Variants in CNTN1 observed in about 807,000 individuals in gnomAD.
CNTN1 encodes contactin-1.
In CNTN1, 38 loss-of-function variants were observed where a neutral mutation model predicts 126.4. That is an observed-to-expected ratio of 0.30 (90% confidence interval 0.23 to 0.39). The LOEUF (loss-of-function observed/expected upper bound fraction) is 0.39. CNTN1 is among the 10% of genes least tolerant of loss of function. The probability of loss-of-function intolerance (pLI) is 1.00; values close to 1 mark genes in which losing one functional copy is unlikely to be tolerated. For synonymous variants in CNTN1, 413 were observed against 422.6 expected (o/e 0.98, Z 0.28); for missense variants, 1,009 against 1,248.4 (o/e 0.81, Z 2.89).
In CNTN1 at chr12:40,971,519, G is replaced by A. The variant is rs769525007; in HGVS notation, c.1805-9390G>A. On this transcript the variant is annotated intron_variant, in intron 15 of 23. Transcript: ENST00000551295. The stretch of plus-strand genomic sequence containing the variant: ...GCCTGCCTCCAACCTGGTGATCGTT[G>A]ACACTCACCATTTCTGTGAAAGACT... 17 of 1,594,752 alleles carry A rather than the reference G, an allele frequency of 1.1e-5. 1 individual carries two copies. The highest frequency in any genetic ancestry group is 8.9e-5 in the South Asian group (8 of 90,310).
At chr12:40,903,588 C>G (rs1255628786) in intron 1 of CNTN1, among the ~76,000 whole-genome samples, 1 of 152,056 alleles carries the variant, frequency 6.6e-6, no homozygotes, top group Non-Finnish European at 1.5e-5. Flanking sequence ...CAGAGAGTCA[C>G]AAATGATGGG....
intron 23 of CNTN1, among the ~76,000 whole-genome samples, chr12:41,040,378 A>G (rs945342836): frequency 1.3e-5 from 2 of 152,156 alleles, no homozygotes; most frequent in Non-Finnish European, 2.9e-5. Flanking sequence ...GATTTTTTGC[A>G]TGATGTTCAA....
At chr12:40,719,271 C>G (rs1331826154) in intron 1 of CNTN1, among the ~76,000 whole-genome samples, 1 of 152,032 alleles carries the variant, frequency 6.6e-6, no homozygotes, top group Admixed American at 6.6e-5. Flanking sequence ...TATATGAACA[C>G]AATGGGAAGA....
chr12:40,965,635 T>C (rs1305725401), intron 15 of CNTN1, among the ~76,000 whole-genome samples: 1 of 152,118 alleles, frequency 6.6e-6, no homozygotes, highest in Non-Finnish European at 1.5e-5. Flanking sequence ...TTGGATTATT[T>C]AGGGTTCTAT....
At chr12:40,967,026 G>A (rs1947331247) in intron 15 of CNTN1, among the ~76,000 whole-genome samples, 1 of 152,006 alleles carries the variant, frequency 6.6e-6, no homozygotes, top group South Asian at 2.1e-4. Context: ...CATTTAGTGT[G>A]TACCCATGGC....
rs1047175685 is a variant in CNTN1, at chr12:41,063,896, G to A, written c.2981-6063G>A. Among the ~76,000 whole-genome samples, 3 of 152,322 alleles carry A rather than the reference G, an allele frequency of 2.0e-5. No homozygotes were observed. In the East Asian group the frequency reaches 5.8e-4, roughly 29 times the overall value. On this transcript the variant is annotated intron_variant, in intron 23 of 23. Coordinates refer to ENST00000551295, the MANE Select transcript of CNTN1 (RefSeq NM_001843.4). ...TCAGTCTGAGAATGTGAGGCAACAGGCCGGGCGCGGTAGCTCACGCCTGTA... is the reference window on the plus strand; with the variant it reads ...TCAGTCTGAGAATGTGAGGCAACAGACCGGGCGCGGTAGCTCACGCCTGTA...
chr12:41,066,487 C>T (rs540929196), intron 23 of CNTN1, among the ~76,000 whole-genome samples: 1 of 152,142 alleles, frequency 6.6e-6, no homozygotes, highest in Non-Finnish European at 1.5e-5. Context: ...ATGCACTAGG[C>T]TTGGTATTAG....
chr12:40,760,213 A>G (rs957891485), intron 1 of CNTN1, among the ~76,000 whole-genome samples: 2 of 152,172 alleles, frequency 1.3e-5, no homozygotes, highest in African/African-American at 4.8e-5. Flanking sequence ...AATATAAAAT[A>G]TATTTTCAGT....
intron 3 of CNTN1, among the ~76,000 whole-genome samples, chr12:40,917,621 G>A (rs544205208): frequency 6.6e-5 from 10 of 152,116 alleles, no homozygotes; most frequent in South Asian, 2.1e-4. Flanking sequence ...GTGAACCATC[G>A]CTTAGATTGG....
At chr12:40,701,726 G>A (rs1000112931) in intron 1 of CNTN1, among the ~76,000 whole-genome samples, 7 of 151,990 alleles carry the variant, frequency 4.6e-5, no homozygotes, top group African/African-American at 1.7e-4. Context: ...AAATTAACCT[G>A]GTTTCTCAAA....
intron 3 of CNTN1, 31 bp from the exon 4 acceptor site, chr12:40,918,608 A>G (rs1271674543): frequency 1.2e-6 from 2 of 1,604,412 alleles, no homozygotes; most frequent in African/African-American, 2.7e-5. Context: ...ATAAAGCAGT[A>G]CAATGTAAAA....
At chr12:41,035,384 A>C (rs930792202) in intron 23 of CNTN1, among the ~76,000 whole-genome samples, 2 of 152,188 alleles carry the variant, frequency 1.3e-5, no homozygotes, top group Admixed American at 6.5e-5. Context: ...CTCTTCAAAC[A>C]TTACAGATTT....
chr12:40,965,113 G>T (rs891905343), intron 15 of CNTN1, among the ~76,000 whole-genome samples: 1 of 152,124 alleles, frequency 6.6e-6, no homozygotes, highest in Non-Finnish European at 1.5e-5. Context: ...TCATGTGTTA[G>T]TTACGTCTTT....
chr12:40,974,973 G>A (rs11179263), intron 15 of CNTN1, among the ~76,000 whole-genome samples: 9,966 of 151,602 alleles, frequency 0.066, 639 homozygotes, highest in African/African-American at 0.17. Context: ...TAGACTTGTT[G>A]TCATCCAGGT....
chr12:40,781,168 T>G (rs1420677267), intron 1 of CNTN1, among the ~76,000 whole-genome samples: 1 of 151,986 alleles, frequency 6.6e-6, no homozygotes, highest in Non-Finnish European at 1.5e-5. Context: ...ATGACTATAT[T>G]AGACCTTCAA....
chr12:41,027,535 AGT>A (rs1949059936), intron 21 of CNTN1, among the ~76,000 whole-genome samples: 1 of 152,204 alleles, frequency 6.6e-6, no homozygotes, highest in Non-Finnish European at 1.5e-5. Flanking sequence ...AGAATAATCA[AGT>A]GACATTAGAT....
At chr12:40,771,779 T>C (rs1939344747) in intron 1 of CNTN1, among the ~76,000 whole-genome samples, 1 of 151,978 alleles carries the variant, frequency 6.6e-6, no homozygotes, top group Non-Finnish European at 1.5e-5. Flanking sequence ...AAATATGAGA[T>C]CTATTATAAT....
At chr12:40,882,266 A>G (rs1490770627) in intron 1 of CNTN1, among the ~76,000 whole-genome samples, 1 of 151,816 alleles carries the variant, frequency 6.6e-6, no homozygotes, top group African/African-American at 2.4e-5. Flanking sequence ...GCATTTTGGA[A>G]TACTTTAAAT....
chr12:40,969,379 C>A (rs1251210348), intron 15 of CNTN1, among the ~76,000 whole-genome samples: 1 of 152,102 alleles, frequency 6.6e-6, no homozygotes, highest in Non-Finnish European at 1.5e-5. Context: ...GCTTCTCCAA[C>A]TCTAATTGTC....
Sources: allele counts gnomAD v4.1 joint callset (sites outside exome capture counted in the v4.1 genomes callset), GRCh38; gene constraint gnomAD v4.1.1; transcripts MANE v1.5; gene names NCBI Gene and HGNC (gene_info 2026-07-23, HGNC 2026-07-21).